Variants in ZFAND3 observed in about 807,000 individuals in gnomAD.
ZFAND3 encodes the protein AN1-type zinc finger protein 3.
In ZFAND3, 10 loss-of-function variants were observed where a neutral mutation model predicts 29.6. The observed-to-expected ratio is 0.34, with a 90% CI of 0.21 to 0.57. The LOEUF (loss-of-function observed/expected upper bound fraction) is 0.57, where lower values mean the gene tolerates loss of function less well. ZFAND3 is among the 20% of genes least tolerant of loss of function. The probability of loss-of-function intolerance (pLI) is 0.86; values close to 1 mark genes in which losing one functional copy is unlikely to be tolerated. For missense variants in ZFAND3, 230 were observed against 304.5 expected, an observed-to-expected ratio of 0.76 and a Z score of 1.82; for synonymous variants, 128 against 112.6, an observed-to-expected ratio of 1.14 and a Z score of -0.87.
chr6:37,993,156 A>G (rs971584277), intron 2 of ZFAND3, among the ~76,000 whole-genome samples: 9 of 151,992 alleles, frequency 5.9e-5, no homozygotes, highest in African/African-American at 1.9e-4. Context: ...TAAAATTTTT[A>G]TCGTTAAGAA....
At chr6:38,116,202 T>C (rs938986636) in intron 4 of ZFAND3, among the ~76,000 whole-genome samples, 7 of 152,296 alleles carry the variant, frequency 4.6e-5, no homozygotes, top group Non-Finnish European at 4.4e-5. Context: ...AAAAGATATC[T>C]AACCAATACA....
chr6:38,115,192 G>A (rs1026682098), intron 4 of ZFAND3, among the ~76,000 whole-genome samples: 1 of 152,196 alleles, frequency 6.6e-6, no homozygotes, highest in African/African-American at 2.4e-5. Flanking sequence ...TCAGGGGCCT[G>A]GGTGATAAAA....
At chr6:38,096,019 C>G (rs931462147) in intron 4 of ZFAND3, among the ~76,000 whole-genome samples, 17 of 151,994 alleles carry the variant, frequency 1.1e-4, no homozygotes, top group African/African-American at 4.1e-4. Context: ...GGCAACAGAG[C>G]TGAGATGCTG....
At chr6:37,968,262 C>T (rs1762325690) in intron 2 of ZFAND3, among the ~76,000 whole-genome samples, 1 of 151,664 alleles carries the variant, frequency 6.6e-6, no homozygotes, top group Non-Finnish European at 1.5e-5. Flanking sequence ...CCTGGGGAGG[C>T]AAGAGGGCTA....
chr6:37,821,858 G>A (rs561028582), intron 1 of ZFAND3, among the ~76,000 whole-genome samples: 2 of 152,274 alleles, frequency 1.3e-5, no homozygotes, highest in Non-Finnish European at 2.9e-5. Flanking sequence ...TTTTGAGTCG[G>A]AGCCCTGCTC....
chr6:38,124,426 G>A (rs1490997237), intron 5 of ZFAND3, among the ~76,000 whole-genome samples: 1 of 152,212 alleles, frequency 6.6e-6, no homozygotes, highest in Non-Finnish European at 1.5e-5. Flanking sequence ...CCCACAGCGG[G>A]GGGCCAGGCG....
chr6:38,147,066 C>T (rs1333879568), intron 5 of ZFAND3, among the ~76,000 whole-genome samples: 1 of 152,306 alleles, frequency 6.6e-6, no homozygotes, highest in East Asian at 1.9e-4. Context: ...AGTCATCCTA[C>T]TCCACTATCT....
rs1054150231 is a variant in ZFAND3 at position 38,153,386 on chromosome 6, G to A, written c.*997G>A. 1.0e-6 allele frequency: 1 copy of A among 985,498 alleles called. No individual in the cohort carries two copies. The highest frequency in any genetic ancestry group is 1.2e-6 in the Non-Finnish European group (1 of 829,978). 61.0% of individuals were successfully genotyped at this position (985,498 alleles called of 1,614,324 possible). A position where few individuals can be genotyped will look rare whatever the true frequency, so the allele number is the denominator to read the frequency against. On this transcript the variant is annotated 3_prime_UTR_variant, in exon 6 of 6. Coordinates refer to ENST00000287218, the MANE Select transcript of ZFAND3 (RefSeq NM_021943.3). The stretch of plus-strand genomic sequence containing the variant: ...AGCTGGAGCCGCCCGTGCCTCCAGG[G>A]GCCAAGAGGATGATGTCGTGGCCTC...
intron 3 of ZFAND3, among the ~76,000 whole-genome samples, chr6:38,075,758 T>TTTTG (rs56364004): frequency 0.95 from 143,605 of 151,572 alleles, 68,440 homozygotes; most frequent in East Asian, 1. Flanking sequence ...AGTTGGGTTT[T>TTTTG]TTTGTTTGTT....
intron 2 of ZFAND3, among the ~76,000 whole-genome samples, chr6:38,017,832 C>A (rs1423475067): frequency 6.6e-6 from 1 of 152,284 alleles, no homozygotes; most frequent in East Asian, 1.9e-4. Flanking sequence ...TATATTTTCT[C>A]AAACTACAGA....
chr6:38,126,804 A>G (rs1035809284), intron 5 of ZFAND3, among the ~76,000 whole-genome samples: 5 of 142,900 alleles, frequency 3.5e-5, no homozygotes, highest in Admixed American at 6.7e-5. Flanking sequence ...ATGTCTCTCT[A>G]TTTAGGTGTT....
Position 38,152,414 on chromosome 6 carries a change from C to G in ZFAND3, c.*25C>G. ...AAGGCCAGGCATGGCCACCACGTGA[C>G]GCTGTTCTTAGTTCACTAATGTTAG... On this transcript the variant is annotated 3_prime_UTR_variant, in exon 6 of 6. Coordinates refer to ENST00000287218, the MANE Select transcript of ZFAND3 (RefSeq NM_021943.3). 1 of 1,546,176 alleles carries G rather than the reference C, an allele frequency of 6.5e-7. No individual in the cohort carries two copies. The highest frequency in any genetic ancestry group is 1.3e-5 in the South Asian group (1 of 79,782).
chr6:37,861,550 T>G (rs116027148), intron 1 of ZFAND3, among the ~76,000 whole-genome samples: 100 of 152,328 alleles, frequency 6.6e-4, no homozygotes, highest in Admixed American at 1.4e-3. Context: ...GATCCCAGCA[T>G]TAATCTTCTG....
At chr6:37,865,136 C>G (rs1053016314) in intron 1 of ZFAND3, among the ~76,000 whole-genome samples, 4 of 152,112 alleles carry the variant, frequency 2.6e-5, no homozygotes, top group Non-Finnish European at 5.9e-5. Context: ...CGATAGCGTG[C>G]CACTGCACTC....
intron 5 of ZFAND3, among the ~76,000 whole-genome samples, chr6:38,129,213 T>A (rs1447303581): frequency 6.6e-6 from 1 of 152,246 alleles, no homozygotes. Flanking sequence ...CATTGTAGAT[T>A]CTGGATATTA....
chr6:37,889,474 G>A (rs181882632), intron 1 of ZFAND3, among the ~76,000 whole-genome samples: 87 of 152,342 alleles, frequency 5.7e-4, no homozygotes, highest in Non-Finnish European at 1.1e-3. Context: ...TTATTAGTGA[G>A]AAGGATGGAG....
chr6:37,861,907 G>T (rs181052828), intron 1 of ZFAND3, among the ~76,000 whole-genome samples: 2 of 152,266 alleles, frequency 1.3e-5, no homozygotes, highest in South Asian at 2.1e-4. Flanking sequence ...AAAATATGTT[G>T]TATGTGTTTT....
chr6:37,844,803 A>G (rs1764147531), intron 1 of ZFAND3, among the ~76,000 whole-genome samples: 1 of 151,520 alleles, frequency 6.6e-6, no homozygotes, highest in African/African-American at 2.4e-5. Flanking sequence ...TCACGAAGTC[A>G]GGAGATCGAG....
intron 5 of ZFAND3, among the ~76,000 whole-genome samples, chr6:38,138,018 T>C (rs1247593538): frequency 6.6e-6 from 1 of 152,096 alleles, no homozygotes; most frequent in Non-Finnish European, 1.5e-5. Flanking sequence ...ATTTTAAAAA[T>C]ATTCCCCTGG....
Sources: gnomAD v4.1 joint callset for allele counts (sites outside exome capture counted in the v4.1 genomes callset) on GRCh38, gnomAD v4.1.1 for gene constraint, MANE v1.5 for transcripts, NCBI Gene and HGNC (gene_info 2026-07-23, HGNC 2026-07-21) for gene names.